Variants in SLCO2A1 observed in about 807,000 individuals in gnomAD.
SLCO2A1 encodes the protein solute carrier organic anion transporter family member 2A1, also known as matrin F/G 1.
SLCO2A1 carries 60 observed loss-of-function variants against 71.7 expected under a neutral mutation model. The ratio of observed to expected loss-of-function variants is 0.84; its 90% CI spans 0.68 to 1.04. The LOEUF (loss-of-function observed/expected upper bound fraction) is 1.04. Ranked by LOEUF, SLCO2A1 falls within the 50% of genes least tolerant of loss-of-function variation. The probability of loss-of-function intolerance (pLI) is 0.00; values close to 1 mark genes in which losing one functional copy is unlikely to be tolerated. For synonymous variants in SLCO2A1, 308 were observed against 326.7 expected (o/e 0.94, Z 0.62); for missense variants, 745 against 813.4 (o/e 0.92, Z 1.02).
At chr3:133,947,760 C>T (rs554562691) in intron 8 of SLCO2A1, among the ~76,000 whole-genome samples, 3 of 152,172 alleles carry the variant, frequency 2.0e-5, no homozygotes, top group South Asian at 2.1e-4. Flanking sequence ...TGCATGGGAC[C>T]GCATGGGGTT....
At chr3:133,952,882 G>T (rs56121217) in intron 5 of SLCO2A1, among the ~76,000 whole-genome samples, 1 of 152,158 alleles carries the variant, frequency 6.6e-6, no homozygotes, top group South Asian at 2.1e-4. Flanking sequence ...AGGCAGTCCC[G>T]TCCCAGCGCC....
At chr3:133,981,803 C>T (rs770117118) in intron 1 of SLCO2A1, among the ~76,000 whole-genome samples, 17 of 151,972 alleles carry the variant, frequency 1.1e-4, no homozygotes, top group Admixed American at 2.0e-4. Flanking sequence ...GGTGAAACCC[C>T]GTCTCTACTA....
intron 6 of SLCO2A1, chr3:133,949,263 G>C: frequency 2.6e-6 from 1 of 384,500 alleles, no homozygotes; most frequent in Non-Finnish European, 4.9e-6. Flanking sequence ...GTTGCCAAAG[G>C]TGTCTTCCTG....
chr3:134,014,569 T>C (rs1449108891), intron 1 of SLCO2A1, among the ~76,000 whole-genome samples: 1 of 152,176 alleles, frequency 6.6e-6, no homozygotes, highest in East Asian at 1.9e-4. Context: ...CCAGGTTTCA[T>C]AACAGGTCTC....
At chr3:133,996,008 T>C (rs1157317031) in intron 1 of SLCO2A1, among the ~76,000 whole-genome samples, 2 of 152,144 alleles carry the variant, frequency 1.3e-5, no homozygotes, top group Non-Finnish European at 2.9e-5. Flanking sequence ...CCATCTCCAT[T>C]TGGAGAATTG....
At chr3:134,003,552 C>T (rs955033570) in intron 1 of SLCO2A1, among the ~76,000 whole-genome samples, 2 of 152,200 alleles carry the variant, frequency 1.3e-5, no homozygotes, top group Admixed American at 1.3e-4. Context: ...ATGCCTTCCT[C>T]CTCTCATCAG....
At chr3:134,026,675 A>G (rs985569085) in intron 1 of SLCO2A1, among the ~76,000 whole-genome samples, 1 of 152,246 alleles carries the variant, frequency 6.6e-6, no homozygotes, top group African/African-American at 2.4e-5. Context: ...TAAAACCGGC[A>G]GAGCCTTGAC....
intron 6 of SLCO2A1, 187 bp from the exon 7 acceptor site, chr3:133,949,158 G>C (rs544581092): frequency 5.0e-6 from 3 of 602,320 alleles, no homozygotes; most frequent in East Asian, 5.6e-5. Flanking sequence ...ATTTCCGTGA[G>C]CCTGGTGTTT....
intron 3 of SLCO2A1, among the ~76,000 whole-genome samples, chr3:133,973,429 GTCAT>G (rs1262697966): frequency 1.3e-5 from 2 of 152,180 alleles, no homozygotes; most frequent in Non-Finnish European, 2.9e-5. Flanking sequence ...TGGAGCTTGG[GTCAT>G]TCCTGGCATG....
chr3:134,023,864 T>A (rs998888493), intron 1 of SLCO2A1, among the ~76,000 whole-genome samples: 1 of 149,654 alleles, frequency 6.7e-6, no homozygotes, highest in East Asian at 2.0e-4. Flanking sequence ...GTAGGCTGCA[T>A]GGCTCTTTTC....
intron 10 of SLCO2A1, among the ~76,000 whole-genome samples, chr3:133,944,293 T>C (rs186956115): frequency 1.3e-5 from 2 of 152,334 alleles, no homozygotes; most frequent in South Asian, 2.1e-4. Context: ...GTTGATTTGA[T>C]AGAATGCACC....
At chr3:133,940,539 T>G (rs541071070) in intron 11 of SLCO2A1, among the ~76,000 whole-genome samples, 1 of 152,292 alleles carries the variant, frequency 6.6e-6, no homozygotes, top group South Asian at 2.1e-4. Flanking sequence ...TCCTGCTGCA[T>G]AGCGACTTGC....
intron 1 of SLCO2A1, among the ~76,000 whole-genome samples, chr3:133,987,955 A>G (rs1934754288): frequency 6.6e-6 from 1 of 152,248 alleles, no homozygotes; most frequent in African/African-American, 2.4e-5. Flanking sequence ...AGGAAGGAAG[A>G]AAGGAGGGAG....
intron 6 of SLCO2A1, 45 bp from the exon 7 acceptor site, chr3:133,949,016 G>A (rs368122375): frequency 9.2e-6 from 14 of 1,521,936 alleles, no homozygotes; most frequent in Non-Finnish European, 6.4e-6. Context: ...CAGGCTCACT[G>A]TAGCCACCCT....
At chr3:133,981,352 C>G (rs568869270) in intron 1 of SLCO2A1, among the ~76,000 whole-genome samples, 1 of 152,138 alleles carries the variant, frequency 6.6e-6, no homozygotes, top group Non-Finnish European at 1.5e-5. Context: ...TGGCCTGGAC[C>G]AGGGAACAAT....
At position 133,948,710 on chromosome 3, in the gene SLCO2A1, G is replaced by C. The variant is rs775049137; in HGVS notation, c.941-10C>G. The C allele has an allele frequency of 1.2e-6, 2 of 1,612,116 alleles. No homozygotes were observed. Among genetic ancestry groups the C allele is most frequent in the African/African-American group, 2.7e-5 (2 of 74,898 alleles). On this transcript the variant is annotated splice_polypyrimidine_tract_variant and intron_variant, in intron 7 of 13. Coordinates refer to ENST00000310926, the MANE Select transcript of SLCO2A1 (RefSeq NM_005630.3). ...AAGATGCATGGAAACCCTGTGAACA[G>C]ACCGCTGTCAAGGCTCTGGCAGAAC...
chr3:134,009,588 C>T (rs1294161202), intron 1 of SLCO2A1, among the ~76,000 whole-genome samples: 2 of 152,238 alleles, frequency 1.3e-5, no homozygotes, highest in African/African-American at 4.8e-5. Flanking sequence ...AGCCACTTGA[C>T]TGCCCCACGC....
Position 133,934,731 on chromosome 3 carries a change from C to A in SLCO2A1, c.1914G>T (p.Lys638Asn). 1 of 1,613,630 alleles carries A rather than the reference C, an allele frequency of 6.2e-7. No homozygotes were observed. The highest frequency in any genetic ancestry group is 8.5e-7 in the Non-Finnish European group (1 of 1,179,934). ...VKKNKEYNVQ[K>N]AAGLI Reference sequence around the variant, plus strand: ...GGTGGGGTCAGATGAGGCCTGCCGCCTTCTGCACGTTGTACTCCTTGTTCT... The same window carrying A: ...GGTGGGGTCAGATGAGGCCTGCCGCATTCTGCACGTTGTACTCCTTGTTCT... Residue 638 changes from lysine to asparagine, a missense_variant, in exon 14 of 14, where the codon AAG becomes AAT. By Grantham distance (94) the Lys-to-Asn change is moderately conservative. Coordinates refer to ENST00000310926, the MANE Select transcript of SLCO2A1 (RefSeq NM_005630.3).
chr3:134,006,914 A>G (rs1935228825), intron 1 of SLCO2A1, among the ~76,000 whole-genome samples: 1 of 152,246 alleles, frequency 6.6e-6, no homozygotes, highest in Non-Finnish European at 1.5e-5. Context: ...TTTCCATAGC[A>G]GCTGCATCAT....
Sources: gnomAD v4.1 joint callset for allele counts (sites outside exome capture counted in the v4.1 genomes callset) on GRCh38, gnomAD v4.1.1 for gene constraint, MANE v1.5 for transcripts, NCBI Gene and HGNC (gene_info 2026-07-23, HGNC 2026-07-21) for gene names.